The following NELL1 variants were observed in gnomAD, a reference collection of about 807,000 sequenced individuals.
The protein encoded by NELL1 is protein kinase C-binding protein NELL1.
A neutral mutation model predicts 107.4 loss-of-function variants in NELL1; 76 were observed. That is an observed-to-expected ratio of 0.71 (90% CI 0.59 to 0.86). The LOEUF (loss-of-function observed/expected upper bound fraction) is 0.86, where lower values mean the gene tolerates loss of function less well. NELL1 is among the 40% of genes least tolerant of loss of function. The pLI is 0.00. For synonymous variants in NELL1, 353 were observed against 341.2 expected, an observed-to-expected ratio of 1.03 and a Z score of -0.38; for missense variants, 1,024 against 1,005.5, an observed-to-expected ratio of 1.02 and a Z score of -0.25.
At chr11:21,532,091 A>C (rs1856003916) in intron 15 of NELL1, among the ~76,000 whole-genome samples, 1 of 152,190 alleles carries the variant, frequency 6.6e-6, no homozygotes, top group Non-Finnish European at 1.5e-5. Flanking sequence ...CCAGCATGTG[A>C]TGTGAACCTG....
intron 13 of NELL1, among the ~76,000 whole-genome samples, chr11:21,207,715 T>C (rs1370412721): frequency 6.6e-6 from 1 of 152,186 alleles, no homozygotes; most frequent in East Asian, 1.9e-4. Context: ...GCCAAGTTTT[T>C]ACTCTTTAGT....
At chr11:20,703,991 G>T (rs1324622176) in intron 2 of NELL1, among the ~76,000 whole-genome samples, 2 of 152,186 alleles carry the variant, frequency 1.3e-5, no homozygotes, top group Non-Finnish European at 1.5e-5. Flanking sequence ...TTGATTTGGG[G>T]TGGAGAGTTC....
chr11:21,272,862 C>T (rs925917173), intron 14 of NELL1, among the ~76,000 whole-genome samples: 1 of 152,182 alleles, frequency 6.6e-6, no homozygotes, highest in Admixed American at 6.5e-5. Flanking sequence ...AGAAGGAAAA[C>T]TAACAAACAG....
chr11:21,003,647 T>G (rs1402488796), intron 12 of NELL1, among the ~76,000 whole-genome samples: 1 of 152,138 alleles, frequency 6.6e-6, no homozygotes, highest in Non-Finnish European at 1.5e-5. Flanking sequence ...CCTATGGACC[T>G]GTGTCAGGGA....
At chr11:20,674,394 T>G in intron 1 of NELL1, 1 of 939,360 alleles carries the variant, frequency 1.1e-6, no homozygotes, top group Non-Finnish European at 1.6e-6. Context: ...GCTGTTGAAG[T>G]GTGAATATAG....
intron 15 of NELL1, among the ~76,000 whole-genome samples, chr11:21,415,710 A>G (rs1380351073): frequency 6.6e-6 from 1 of 151,994 alleles, no homozygotes; most frequent in African/African-American, 2.4e-5. Context: ...GGATTACACC[A>G]TGTTTCCCTT....
At chr11:21,504,992 T>C (rs2133936919) in intron 15 of NELL1, among the ~76,000 whole-genome samples, 1 of 152,298 alleles carries the variant, frequency 6.6e-6, no homozygotes, top group Non-Finnish European at 1.5e-5. Flanking sequence ...CCCCAAACAT[T>C]TTCCCCCTTT....
At chr11:21,435,316 G>T (rs889661647) in intron 15 of NELL1, among the ~76,000 whole-genome samples, 2 of 152,082 alleles carry the variant, frequency 1.3e-5, no homozygotes, top group African/African-American at 2.4e-5. Flanking sequence ...GATACTAGTT[G>T]TGGGTTTGTC....
chr11:21,156,067 G>A (rs1292111114), intron 13 of NELL1, among the ~76,000 whole-genome samples: 1 of 152,108 alleles, frequency 6.6e-6, no homozygotes, highest in Non-Finnish European at 1.5e-5. Flanking sequence ...GGGACAGGGG[G>A]CAGGATGCTG....
intron 15 of NELL1, among the ~76,000 whole-genome samples, chr11:21,526,630 T>C (rs1855862460): frequency 2.6e-5 from 4 of 152,248 alleles, no homozygotes; most frequent in Admixed American, 1.3e-4. Context: ...CTCTGAAATC[T>C]AGGCGATGGT....
chr11:21,182,841 G>A (rs1391659917), intron 13 of NELL1, among the ~76,000 whole-genome samples: 1 of 151,836 alleles, frequency 6.6e-6, no homozygotes, highest in Non-Finnish European at 1.5e-5. Flanking sequence ...CTCTTCAAAT[G>A]TTGGGAAAAC....
chr11:20,701,088 T>A (rs1018275279), intron 2 of NELL1, among the ~76,000 whole-genome samples: 1 of 152,194 alleles, frequency 6.6e-6, no homozygotes, highest in African/African-American at 2.4e-5. Context: ...CGCCACACTG[T>A]CTTCCACAAT....
At chr11:20,921,309 A>C (rs1850371651) in intron 7 of NELL1, among the ~76,000 whole-genome samples, 2 of 152,140 alleles carry the variant, frequency 1.3e-5, no homozygotes, top group Non-Finnish European at 2.9e-5. Flanking sequence ...TATTAGTTAA[A>C]ATGCTTAAGC....
intron 15 of NELL1, among the ~76,000 whole-genome samples, chr11:21,463,974 C>T (rs971936095): frequency 1.3e-5 from 2 of 152,082 alleles, no homozygotes; most frequent in Non-Finnish European, 2.9e-5. Context: ...CACTCTGGAA[C>T]AGAGCAAATA....
At chr11:20,988,398 C>T (rs1851895778) in intron 12 of NELL1, among the ~76,000 whole-genome samples, 3 of 149,050 alleles carry the variant, frequency 2.0e-5, no homozygotes. Context: ...TATATATATA[C>T]ATATCTATAT....
At chr11:21,152,315 CT>C in intron 13 of NELL1, among the ~76,000 whole-genome samples, 1 of 152,296 alleles carries the variant, frequency 6.6e-6, no homozygotes, top group African/African-American at 2.4e-5. Context: ...GTCTGCCAAC[CT>C]TTCCCAGCGT....
At chr11:21,344,031 C>T (rs1446164045) in intron 14 of NELL1, among the ~76,000 whole-genome samples, 2 of 151,978 alleles carry the variant, frequency 1.3e-5, no homozygotes, top group African/African-American at 4.8e-5. Flanking sequence ...GCAGATGTGC[C>T]CCATTTGAAG....
chr11:20,766,896 C>G (rs1856544353), intron 2 of NELL1, among the ~76,000 whole-genome samples: 1 of 152,148 alleles, frequency 6.6e-6, no homozygotes, highest in African/African-American at 2.4e-5. Context: ...GCGTGCACCA[C>G]CACGCCCAGT....
At chr11:20,706,527 G>C (rs11517569) in intron 2 of NELL1, among the ~76,000 whole-genome samples, 56,763 of 134,188 alleles carry the variant, frequency 0.42, 13,773 homozygotes, top group Middle Eastern at 0.6. Context: ...GTGGGGTTGG[G>C]GGGGAGGGGG....
Sources: allele counts gnomAD v4.1 joint callset (sites outside exome capture counted in the v4.1 genomes callset), GRCh38; gene constraint gnomAD v4.1.1; transcripts MANE v1.5; gene names NCBI Gene and HGNC (gene_info 2026-07-23, HGNC 2026-07-21).